BTBD9: variants seen among roughly 807,000 people sequenced by gnomAD.
BTBD9 encodes the protein BTB/POZ domain-containing protein 9.
In BTBD9, 49 loss-of-function variants were observed where a neutral mutation model predicts 64.3. The observed-to-expected ratio is 0.76, with a 90% CI of 0.61 to 0.97. The LOEUF (loss-of-function observed/expected upper bound fraction) is 0.97, where lower values mean the gene tolerates loss of function less well. BTBD9 is among the 50% of genes least tolerant of loss of function. The probability of loss-of-function intolerance (pLI) is 0.00; values close to 1 mark genes in which losing one functional copy is unlikely to be tolerated. For missense variants in BTBD9, 598 were observed against 762.1 expected, an observed-to-expected ratio of 0.78 and a Z score of 2.53; for synonymous variants, 260 against 274.7, an observed-to-expected ratio of 0.95 and a Z score of 0.53.
intron 7 of BTBD9, among the ~76,000 whole-genome samples, chr6:38,299,071 T>C (rs1428980616): frequency 2.0e-5 from 3 of 152,148 alleles, no homozygotes; most frequent in African/African-American, 7.2e-5. Context: ...GTGTTCTCAT[T>C]GTTCAGTTCC....
chr6:38,323,638 G>A (rs191982866), intron 7 of BTBD9, among the ~76,000 whole-genome samples: 3 of 152,196 alleles, frequency 2.0e-5, no homozygotes, highest in African/African-American at 7.2e-5. Flanking sequence ...TTCCATATGA[G>A]AGAAAACACA....
At chr6:38,196,634 G>A (rs1361455720) in intron 9 of BTBD9, among the ~76,000 whole-genome samples, 4 of 152,354 alleles carry the variant, frequency 2.6e-5, no homozygotes, top group Admixed American at 6.5e-5. Flanking sequence ...GGGTGTTATG[G>A]AGGACATGTG....
At chr6:38,623,042 C>G (rs1194088442) in intron 1 of BTBD9, among the ~76,000 whole-genome samples, 1 of 152,186 alleles carries the variant, frequency 6.6e-6, no homozygotes, top group Non-Finnish European at 1.5e-5. Flanking sequence ...TCCCAACACC[C>G]CTTTCCAGCC....
intron 2 of BTBD9, chr6:38,595,676 T>G: frequency 1.5e-6 from 1 of 677,962 alleles, no homozygotes; most frequent in Non-Finnish European, 1.8e-6. Context: ...TACCTGGAAC[T>G]TGTCCCACCC....
At chr6:38,267,109 G>A (rs968016494) in intron 8 of BTBD9, among the ~76,000 whole-genome samples, 2 of 152,228 alleles carry the variant, frequency 1.3e-5, no homozygotes, top group East Asian at 1.9e-4. Flanking sequence ...CAGAAATGCC[G>A]AGGTCCTGCC....
At chr6:38,233,476 A>C (rs1027182553) in intron 9 of BTBD9, among the ~76,000 whole-genome samples, 3 of 152,192 alleles carry the variant, frequency 2.0e-5, no homozygotes, top group African/African-American at 7.2e-5. Flanking sequence ...TTCTGGAAAG[A>C]GCACACACCC....
intron 6 of BTBD9, among the ~76,000 whole-genome samples, chr6:38,428,837 C>T (rs1232950474): frequency 6.6e-6 from 1 of 150,996 alleles, no homozygotes; most frequent in Non-Finnish European, 1.5e-5. Context: ...CTCAGCCTCC[C>T]GAGTAGCTGG....
intron 6 of BTBD9, among the ~76,000 whole-genome samples, chr6:38,539,625 A>T (rs997465717): frequency 1.3e-5 from 2 of 152,184 alleles, no homozygotes; most frequent in Non-Finnish European, 2.9e-5. Flanking sequence ...TTTAAAAGAG[A>T]TTTATTTGAT....
chr6:38,196,762 G>T (rs1454482579), intron 9 of BTBD9, among the ~76,000 whole-genome samples: 1 of 152,118 alleles, frequency 6.6e-6, no homozygotes, highest in Non-Finnish European at 1.5e-5. Flanking sequence ...TTATAAACAG[G>T]TGATGTTCCA....
intron 1 of BTBD9, among the ~76,000 whole-genome samples, chr6:38,625,943 A>G (rs974420323): frequency 2.0e-5 from 3 of 152,198 alleles, no homozygotes; most frequent in Non-Finnish European, 4.4e-5. Flanking sequence ...TGTATATTGC[A>G]CTGACAACAA....
At chr6:38,529,031 T>C (rs966382223) in intron 6 of BTBD9, among the ~76,000 whole-genome samples, 4 of 152,164 alleles carry the variant, frequency 2.6e-5, no homozygotes, top group African/African-American at 7.2e-5. Flanking sequence ...ATTCTGGACC[T>C]GTCCTGGTCC....
chr6:38,615,113 T>C (rs1423635829), intron 1 of BTBD9, among the ~76,000 whole-genome samples: 2 of 152,236 alleles, frequency 1.3e-5, no homozygotes, highest in East Asian at 1.9e-4. Flanking sequence ...TTGGCATAAG[T>C]TGATCCCTTG....
chr6:38,226,903 A>G (rs530999967), intron 9 of BTBD9, among the ~76,000 whole-genome samples: 35 of 152,250 alleles, frequency 2.3e-4, no homozygotes, highest in Non-Finnish European at 2.6e-4. Flanking sequence ...GCTGCGGCCT[A>G]TCAAAGGCAA....
At chr6:38,229,194 CAAAA>C (rs34749418) in intron 9 of BTBD9, among the ~76,000 whole-genome samples, 37 of 114,614 alleles carry the variant, frequency 3.2e-4, no homozygotes, top group Admixed American at 1.2e-3. Context: ...AAGACTCTGT[CAAAA>C]AAAAAAAAAA....
chr6:38,231,832 C>T (rs1763617154), intron 9 of BTBD9, among the ~76,000 whole-genome samples: 1 of 152,220 alleles, frequency 6.6e-6, no homozygotes. Context: ...GCCCTTCTCT[C>T]ACCCATAAAA....
chr6:38,457,021 C>T (rs911257204), intron 6 of BTBD9, among the ~76,000 whole-genome samples: 1 of 152,052 alleles, frequency 6.6e-6, no homozygotes, highest in Non-Finnish European at 1.5e-5. Context: ...AGAAGCCAGA[C>T]AGAAGAATAT....
chr6:38,385,131 C>G (rs1766096400), intron 6 of BTBD9, among the ~76,000 whole-genome samples: 1 of 148,684 alleles, frequency 6.7e-6, no homozygotes, highest in African/African-American at 2.5e-5. Flanking sequence ...GGGTTAATAT[C>G]TGTTTATTTC....
intron 6 of BTBD9, among the ~76,000 whole-genome samples, chr6:38,501,272 A>T (rs1215687497): frequency 2.0e-5 from 3 of 152,188 alleles, no homozygotes; most frequent in Non-Finnish European, 4.4e-5. Flanking sequence ...TGCCAACATG[A>T]TGAGCAAAGA....
intron 6 of BTBD9, among the ~76,000 whole-genome samples, chr6:38,460,903 G>A (rs1770053503): frequency 6.6e-6 from 1 of 152,224 alleles, no homozygotes. Context: ...GATTACAGGT[G>A]TGAGCCACCA....
Sources: allele counts gnomAD v4.1 joint callset (sites outside exome capture counted in the v4.1 genomes callset), GRCh38; gene constraint gnomAD v4.1.1; transcripts MANE v1.5; gene names NCBI Gene and HGNC (gene_info 2026-07-23, HGNC 2026-07-21).